EMC1: variants seen among roughly 807,000 people sequenced by gnomAD.
The protein encoded by EMC1 is ER membrane protein complex subunit 1.
EMC1 carries 103 observed loss-of-function variants against 128.8 expected under a neutral mutation model. The ratio of observed to expected loss-of-function variants is 0.80; its 90% CI spans 0.68 to 0.94. EMC1 has a LOEUF of 0.94. Among genes scored for constraint, EMC1 ranks in the 40% least tolerant of loss-of-function variants. EMC1 has a pLI of 0.00. For missense variants in EMC1, 1,083 were observed against 1,250.6 expected, an observed-to-expected ratio of 0.87 and a Z score of 2.02; for synonymous variants, 442 against 490.4, an observed-to-expected ratio of 0.90 and a Z score of 1.30.
chr1:19,236,831 G>A (rs1469001535), intron 12 of EMC1, among the ~76,000 whole-genome samples: 1 of 151,470 alleles, frequency 6.6e-6, no homozygotes, highest in Non-Finnish European at 1.5e-5. Context: ...AGCTGGTCGT[G>A]GTGGCACACG....
chr1:19,227,241 A>G, intron 18 of EMC1, 72 bp downstream of exon 18: 1 of 1,558,050 alleles, frequency 6.4e-7, no homozygotes, highest in Non-Finnish European at 8.8e-7. Flanking sequence ...CAAGTCCTAC[A>G]GCCAGACTTG....
At chr1:19,244,199 A>G (rs1477095911) in intron 2 of EMC1, among the ~76,000 whole-genome samples, 184 bp from the exon 3 acceptor site, 1 of 152,192 alleles carries the variant, frequency 6.6e-6, no homozygotes, top group East Asian at 1.9e-4. Flanking sequence ...GAAGGGGTTA[A>G]GAGGGGCCAC....
Position 19,231,300 on chromosome 1 carries a change from G to A in EMC1, c.1905C>T (p.Asp635=), listed in dbSNP as rs766371753. ...CTATCAACAGCAACACCTTGGCGTA[G>A]TCTTGATCCATGACTGGGAGAAGCA... The part of the protein sequence containing the change: ...QSLLLPVMDQ[D]YAKVLLLIDD... Residue 635 remains aspartate (D), a synonymous_variant, in exon 16 of 23, where the codon GAC becomes GAT. Coordinates refer to ENST00000477853, the MANE Select transcript of EMC1 (RefSeq NM_015047.3). 12 of 1,610,286 alleles carry A rather than the reference G, an allele frequency of 7.5e-6. No individual in the cohort carries two copies. Among genetic ancestry groups the A allele is most frequent in the East Asian group, 2.2e-5 (1 of 44,878 alleles).
intron 17 of EMC1, 101 bp downstream of exon 17, chr1:19,230,743 G>A (rs1388951654): frequency 7.0e-7 from 1 of 1,433,404 alleles, no homozygotes; most frequent in East Asian, 2.3e-5. Flanking sequence ...GCTAATCTAA[G>A]TTTACAGTAG....
At chr1:19,229,746 C>A (rs535153481) in intron 17 of EMC1, among the ~76,000 whole-genome samples, 37 of 152,344 alleles carry the variant, frequency 2.4e-4, no homozygotes, top group African/African-American at 7.9e-4. Flanking sequence ...GCACCTCCAA[C>A]TCAGATGGCA....
intron 17 of EMC1, among the ~76,000 whole-genome samples, chr1:19,227,680 A>G (rs1429487432): frequency 6.6e-6 from 1 of 152,146 alleles, no homozygotes; most frequent in Non-Finnish European, 1.5e-5. Context: ...CAACCTGGCC[A>G]ACATGGCCAA....
intron 3 of EMC1, 40 bp from the exon 4 acceptor site, chr1:19,243,747 GCT>G (rs1365746284): frequency 1.3e-6 from 2 of 1,595,022 alleles, no homozygotes; most frequent in Non-Finnish European, 1.7e-6. Context: ...TTTCCCACTT[GCT>G]CTGTCGCTTC....
Position 19,220,787 on chromosome 1 carries a change from G to A in EMC1, c.2649C>T (p.Pro883=), listed in dbSNP as rs373222910. 2.0e-5 allele frequency: 33 copies of A among 1,613,534 alleles called. No homozygotes were observed. The highest frequency in any genetic ancestry group is 1.5e-4 in the African/African-American group (11 of 74,786). The change falls in exon 21 of 23, where the codon CCC becomes CCT. Residue 883 remains proline, a synonymous_variant. Transcript: ENST00000477853. ...ACCTGCTTTGTTCTGTTGGGATCTC[G>A]GGGCGGCGGGGATCCAGCAAAGCCT... The part of the protein sequence containing the change: ...LPKALLDPRR[P]EIPTEQSREE...
At position 19,219,648 on chromosome 1, in the gene EMC1, C is replaced by T. The variant is rs946570469; in HGVS notation, c.2723G>A (p.Arg908Gln). The T allele has an allele frequency of 3.7e-6, 6 of 1,613,912 alleles. No homozygotes were observed. The highest frequency in any genetic ancestry group is 2.7e-5 in the African/African-American group (2 of 74,886). The change falls in exon 22 of 23, where the codon CGA becomes CAA. Residue 908 changes from arginine to glutamine, a missense_variant. Around this residue, in one of 3 missense-constraint regions of EMC1, gnomAD observed 527 missense variants for 644.1 expected, o/e 0.82. Transcript: ENST00000477853. ...YSPDVQIHAE[R>Q]FINYNQTVSR... is the part of the protein sequence containing the mutation. ...AACTGTCTGGTTATAGTTGATGAATCGCTCTGCGTGTATCTGTACATCTGG... is the reference window on the plus strand; with the variant it reads ...AACTGTCTGGTTATAGTTGATGAATTGCTCTGCGTGTATCTGTACATCTGG...
Position 19,240,188 on chromosome 1 carries a change from C to T in EMC1, c.786+109G>A, listed in dbSNP as rs533513549. ...TTCAGCCAGAGGCCTGAATGGCTTCCACTGCTCAGGAAGAGTCTAGGAGAA... is the reference window on the plus strand; with the variant it reads ...TTCAGCCAGAGGCCTGAATGGCTTCTACTGCTCAGGAAGAGTCTAGGAGAA... On this transcript the variant is annotated intron_variant, in intron 7 of 22. Transcript: ENST00000477853. 9 of 1,411,604 alleles carry T rather than the reference C, an allele frequency of 6.4e-6. No homozygotes were observed. The East Asian group carries it at 1.4e-4, about 22-fold the overall frequency. The allele number at this position is 1,411,604 out of a possible 1,614,324, so 87.4% of individuals were successfully genotyped here.
In EMC1 at chr1:19,244,942, C is replaced by T. The variant is rs746960149; in HGVS notation, c.184G>A (p.Val62Met). Residue 62 changes from valine to methionine, a missense_variant, in exon 2 of 23, where the codon GTG becomes ATG. Coordinates refer to ENST00000477853, the MANE Select transcript of EMC1 (RefSeq NM_015047.3). ...GTTCGGGAATTTAATGCTGCAATCA[C>T]ATTCTTCTCTGTGGCTACAACCAAC... Reference protein sequence around the residue: ...KKLVVATEKNVIAALNSRTGE... With the variant: ...KKLVVATEKNMIAALNSRTGE... 4 of 1,613,816 alleles carry T rather than the reference C, an allele frequency of 2.5e-6. No homozygotes were observed. Among genetic ancestry groups the T allele is most frequent in the South Asian group, 1.1e-5 (1 of 91,078 alleles).
At chr1:19,250,733 C>G (rs915820685) in intron 1 of EMC1, among the ~76,000 whole-genome samples, 3 of 152,188 alleles carry the variant, frequency 2.0e-5, no homozygotes, top group Admixed American at 2.0e-4. Flanking sequence ...AGATAACGGA[C>G]TGTTAGTAAA....
intron 1 of EMC1, among the ~76,000 whole-genome samples, chr1:19,248,021 C>T (rs1457794396): frequency 7.4e-6 from 1 of 135,394 alleles, no homozygotes; most frequent in African/African-American, 2.8e-5. Context: ...AAGACTCTGT[C>T]CCAAAAAAAA....
chr1:19,250,851 G>A (rs1383264619), intron 1 of EMC1, among the ~76,000 whole-genome samples: 2 of 152,162 alleles, frequency 1.3e-5, no homozygotes, highest in Admixed American at 1.3e-4. Flanking sequence ...CTACTCCAGG[G>A]CCTTAAGGAA....
intron 10 of EMC1, among the ~76,000 whole-genome samples, 189 bp downstream of exon 10, chr1:19,238,606 G>A (rs1367252310): frequency 2.0e-5 from 3 of 152,152 alleles, no homozygotes; most frequent in Admixed American, 6.5e-5. Context: ...ACAGACTCTA[G>A]GGATTCTACC....
At chr1:19,223,141 T>C (rs2093444946) in intron 19 of EMC1, 2 of 560,790 alleles carry the variant, frequency 3.6e-6, no homozygotes, top group South Asian at 5.0e-5. Context: ...ACTGTTATTA[T>C]CCCTATTTTA....
At chr1:19,222,937 G>T in intron 19 of EMC1, 103 bp from the exon 20 acceptor site, 1 of 821,708 alleles carries the variant, frequency 1.2e-6, no homozygotes, top group Non-Finnish European at 1.9e-6. Context: ...GATCCATGAA[G>T]GAGAACCATC....
In EMC1 at chr1:19,239,824, G is replaced by A. The variant is rs941175056; in HGVS notation, c.948C>T (p.Phe316=). 1.9e-6 allele frequency: 3 copies of A among 1,613,874 alleles called. No homozygotes were observed. The East Asian group carries it at 6.7e-5, about 36-fold the overall frequency. ...CCATGTTGCCTGCAGTTACCTGTGG[G>A]AAGTTTTTAAGCAAACTCAGCGTTC... ...HYGTLSLLKN[F]PQTALVSFAT... is the part of the protein sequence containing the mutation. Residue 316 remains phenylalanine, a synonymous_variant, in exon 8 of 23, where the codon TTC becomes TTT. Transcript: ENST00000477853.
chr1:19,251,458 G>GA lies in EMC1; in HGVS notation c.51dup (p.Pro18SerfsTer14). 1.2e-6 allele frequency: 2 copies of GA among 1,614,174 alleles called. No individual in the cohort carries two copies. The highest frequency in any genetic ancestry group is 1.7e-6 in the Non-Finnish European group (2 of 1,180,042). ...TGGTCTTCGTAGACCGCGGCCGCAG[G>GA]AATCAGCAGCGTAGCCCAAAGCCAG... On this transcript the variant is annotated frameshift_variant, in exon 1 of 23. Coordinates refer to ENST00000477853, the MANE Select transcript of EMC1 (RefSeq NM_015047.3). LOFTEE classifies it high-confidence loss of function.
Sources: gnomAD v4.1 joint callset for allele counts (sites outside exome capture counted in the v4.1 genomes callset) on GRCh38, gnomAD v4.1.1 for gene constraint, gnomAD v4.1.1 regional missense constraint, MANE v1.5 for transcripts, NCBI Gene and HGNC (gene_info 2026-07-23, HGNC 2026-07-21) for gene names.